The following TOMM20L variants were observed in gnomAD, a reference collection of about 807,000 sequenced individuals.
TOMM20L encodes TOMM20-like protein 1.
Under a neutral mutation model 20.4 loss-of-function variants are expected in TOMM20L, and 19 were observed. The observed-to-expected ratio is 0.93, with a 90% CI of 0.65 to 1.36. The LOEUF (loss-of-function observed/expected upper bound fraction) is 1.36. Ranked by LOEUF, TOMM20L falls within the 40% of genes most tolerant of loss-of-function variation. TOMM20L has a pLI of 0.00. For synonymous variants in TOMM20L, 75 were observed against 79.6 expected, an observed-to-expected ratio of 0.94 and a Z score of 0.30; for missense variants, 218 against 203.7, an observed-to-expected ratio of 1.07 and a Z score of -0.43.
At chr14:58,408,501 G>T (rs1296853575) in intron 4 of TOMM20L, 28 bp from the exon 5 acceptor site, 6 of 1,603,426 alleles carry the variant, frequency 3.7e-6, no homozygotes, top group Non-Finnish European at 5.1e-6. Flanking sequence ...GAAATGATTA[G>T]CAAGTAACTA....
chr14:58,396,219 C>T (rs1029715937), intron 1 of TOMM20L, 79 bp from the exon 2 acceptor site: 400 of 1,577,888 alleles, frequency 2.5e-4, no homozygotes, highest in Non-Finnish European at 2.9e-4. Flanking sequence ...CCCGCGGCGC[C>T]CGGGCAGGCA....
intron 2 of TOMM20L, 97 bp from the exon 3 acceptor site, chr14:58,402,583 T>C (rs2140302370): frequency 1.0e-6 from 1 of 964,842 alleles, no homozygotes. Flanking sequence ...CCACCGCATC[T>C]GGCCCAAGAT....
chr14:58,397,818 G>A (rs2035947116), intron 2 of TOMM20L, among the ~76,000 whole-genome samples: 1 of 152,170 alleles, frequency 6.6e-6, no homozygotes, highest in Admixed American at 6.5e-5. Context: ...TAAAAAGAAG[G>A]AAAGAAAGGC....
chr14:58,411,026 C>A (rs962371775), downstream of TOMM20L: 10 of 849,200 alleles, frequency 1.2e-5, no homozygotes, highest in Non-Finnish European at 1.5e-5. Context: ...TATATTTAGA[C>A]AAAATATACT....
rs1202781692 is a variant in TOMM20L at position 58,407,352 on chromosome 14, C to A, written c.289C>A (p.Leu97Ile). 6.2e-7 allele frequency: 1 copy of A among 1,609,766 alleles called. No individual in the cohort carries two copies. The highest frequency in any genetic ancestry group is 1.7e-4 in the Middle Eastern group (1 of 6,054). The part of the protein sequence containing the change: ...RGEHRMGIQH[L>I]GNALLVCEQP... The stretch of plus-strand genomic sequence containing the variant: ...AGAGCACAGAATGGGGATTCAACAC[C>A]TCGGCAATGCCCTTTTAGTGTGCGA... The change falls in exon 4 of 5, where the codon CTC becomes ATC. Residue 97 changes from leucine (L) to isoleucine (I), a missense_variant. Leu to Ile is a conservative substitution (Grantham distance 5). Coordinates refer to ENST00000360945, the MANE Select transcript of TOMM20L (RefSeq NM_207377.3).
chr14:58,403,222 A>G (rs969563117), intron 3 of TOMM20L, among the ~76,000 whole-genome samples: 9 of 152,154 alleles, frequency 5.9e-5, no homozygotes, highest in Non-Finnish European at 1.0e-4. Context: ...GTTGGGTACC[A>G]TGGCATGTGC....
At chr14:58,407,491 T>C (rs1432227631) in intron 4 of TOMM20L, 23 bp downstream of exon 4, 1 of 1,603,560 alleles carries the variant, frequency 6.2e-7, no homozygotes, top group South Asian at 1.1e-5. Context: ...TTAATTATCT[T>C]TGTGAAATGT....
chr14:58,413,145 G>C (rs930456805), downstream of TOMM20L, among the ~76,000 whole-genome samples: 1 of 151,952 alleles, frequency 6.6e-6, no homozygotes. Flanking sequence ...TTTGATTTTG[G>C]TGAGCATTTT....
chr14:58,415,938 G>A, the TOMM20L span, among the ~76,000 whole-genome samples: 1 of 152,034 alleles, frequency 6.6e-6, no homozygotes, highest in African/African-American at 2.4e-5. Context: ...AGACAAGGCT[G>A]AGCGCAGTGC....
chr14:58,408,566 A>T lies in TOMM20L; in HGVS notation c.443A>T (p.Glu148Val). 1.9e-6 allele frequency: 3 copies of T among 1,614,082 alleles called. No homozygotes were observed. Among genetic ancestry groups the T allele is most frequent in the Non-Finnish European group, 2.5e-6 (3 of 1,179,970 alleles). ...GACATGAATGAACAGGACTGCTTGG[A>T]GGATGATCCTGATTGAAAAACATTT... ...EADMNEQDCLEDDPD is the reference protein window; with the variant it reads ...EADMNEQDCLVDDPD Residue 148 changes from glutamate (E) to valine (V), a missense_variant, in exon 5 of 5, where the codon GAG becomes GTG. Physicochemically the swap from Glu to Val is moderately radical, Grantham distance 121 (BLOSUM62 -2). Transcript: ENST00000360945.
chr14:58,403,828 A>C (rs1483857149), intron 3 of TOMM20L, among the ~76,000 whole-genome samples: 2 of 151,650 alleles, frequency 1.3e-5, no homozygotes, highest in Admixed American at 1.3e-4. Context: ...ACAGAGCGAG[A>C]CTCCGGCTCA....
intron 3 of TOMM20L, among the ~76,000 whole-genome samples, chr14:58,404,400 A>ATTAC: frequency 6.6e-6 from 1 of 151,124 alleles, no homozygotes; most frequent in Admixed American, 6.6e-5. Flanking sequence ...AAGTGCTGGG[A>ATTAC]TTACAGGCGT....
intron 3 of TOMM20L, 25 bp downstream of exon 3, chr14:58,402,786 G>A: frequency 6.6e-7 from 1 of 1,509,592 alleles, no homozygotes; most frequent in Non-Finnish European, 9.2e-7. Flanking sequence ...GTTCTTTTGT[G>A]AGTTATGACA....
chr14:58,406,902 C>T (rs1161109595), intron 3 of TOMM20L, among the ~76,000 whole-genome samples: 1 of 152,058 alleles, frequency 6.6e-6, no homozygotes, highest in Non-Finnish European at 1.5e-5. Context: ...ATAGTGAAAT[C>T]TATTTTTTTT....
downstream of TOMM20L, among the ~76,000 whole-genome samples, chr14:58,410,211 C>A (rs1409031804): frequency 1.3e-5 from 2 of 152,084 alleles, no homozygotes; most frequent in Non-Finnish European, 2.9e-5. Context: ...GCTGGGACCA[C>A]AGGCATGTAC....
At chr14:58,399,084 C>T (rs1235162599) in intron 2 of TOMM20L, among the ~76,000 whole-genome samples, 1 of 152,142 alleles carries the variant, frequency 6.6e-6, no homozygotes, top group Non-Finnish European at 1.5e-5. Context: ...ATGGGTTTCG[C>T]AACATTGCCC....
intron 4 of TOMM20L, among the ~76,000 whole-genome samples, chr14:58,407,745 T>C (rs1283706777): frequency 6.6e-6 from 1 of 152,226 alleles, no homozygotes; most frequent in Non-Finnish European, 1.5e-5. Flanking sequence ...AACATAGAAA[T>C]CACTTTGGTA....
chr14:58,398,335 T>C (rs1198201573), intron 2 of TOMM20L, among the ~76,000 whole-genome samples: 2 of 152,246 alleles, frequency 1.3e-5, no homozygotes, highest in South Asian at 4.1e-4. Flanking sequence ...GTTTGTTGAA[T>C]ATTGTTGTTC....
intron 2 of TOMM20L, chr14:58,399,002 C>T (rs2035958580): frequency 6.6e-6 from 1 of 152,066 alleles, no homozygotes; most frequent in Non-Finnish European, 1.5e-5. Context: ...ATTCTCCCAC[C>T]TCAGTCTCCT....
Sources: gnomAD v4.1 joint callset for allele counts (sites outside exome capture counted in the v4.1 genomes callset) on GRCh38, gnomAD v4.1.1 for gene constraint, MANE v1.5 for transcripts, NCBI Gene and HGNC (gene_info 2026-07-23, HGNC 2026-07-21) for gene names.